The following PIP5K1B variants were observed in gnomAD, a reference collection of about 807,000 sequenced individuals.
PIP5K1B encodes phosphatidylinositol-4-phosphate 5-kinase type 1 beta, also known as phosphatidylinositol 4-phosphate 5-kinase type-1 beta.
Under a neutral mutation model 67.0 loss-of-function variants are expected in PIP5K1B, and 42 were observed. That is an observed-to-expected ratio of 0.63 (90% CI 0.49 to 0.81). The LOEUF is 0.81. Among genes scored for constraint, PIP5K1B ranks in the 30% least tolerant of loss-of-function variants. The probability of loss-of-function intolerance (pLI) is 0.00; values close to 1 mark genes in which losing one functional copy is unlikely to be tolerated. For missense variants in PIP5K1B, 459 were observed against 646.3 expected (o/e 0.71, Z 3.14); for synonymous variants, 214 against 231.4 (o/e 0.92, Z 0.68).
At chr9:68,886,459 A>G (rs372160409) in intron 6 of PIP5K1B, among the ~76,000 whole-genome samples, 2 of 152,216 alleles carry the variant, frequency 1.3e-5, no homozygotes, top group African/African-American at 4.8e-5. Context: ...CCAACCATGT[A>G]TGTAGGCACC....
At chr9:68,931,138 G>A (rs907454199) in intron 12 of PIP5K1B, among the ~76,000 whole-genome samples, 8 of 151,790 alleles carry the variant, frequency 5.3e-5, no homozygotes, top group African/African-American at 1.5e-4. Flanking sequence ...TCATGCTGCC[G>A]GTGTAATAAT....
chr9:68,744,116 G>C (rs1267370229), intron 2 of PIP5K1B, among the ~76,000 whole-genome samples: 4 of 152,202 alleles, frequency 2.6e-5, no homozygotes, highest in Non-Finnish European at 5.9e-5. Flanking sequence ...CGTAGCCTCA[G>C]TTGCCATAGA....
At chr9:68,783,075 A>G (rs1203279311) in intron 2 of PIP5K1B, 1 of 166,976 alleles carries the variant, frequency 6.0e-6, no homozygotes, top group Non-Finnish European at 1.5e-5. Flanking sequence ...CTTTTGGTTC[A>G]GTCTTTATAC....
chr9:68,883,383 T>C (rs1006709454), intron 6 of PIP5K1B, among the ~76,000 whole-genome samples: 2 of 152,182 alleles, frequency 1.3e-5, no homozygotes, highest in Non-Finnish European at 2.9e-5. Context: ...TAATGCTGTT[T>C]AGCAAGAGAT....
At chr9:68,893,106 C>T (rs1288404522) in intron 7 of PIP5K1B, among the ~76,000 whole-genome samples, 4 of 151,750 alleles carry the variant, frequency 2.6e-5, no homozygotes, top group Non-Finnish European at 4.4e-5. Context: ...TAAGGCAACA[C>T]ATTTATATAA....
chr9:68,945,621 A>G lies in PIP5K1B; in HGVS notation c.1502+4831A>G, dbSNP rs569883440. ...TAATTATTGGACCTTATTAAGGGCC[A>G]TGTTAAGCCCTTTATACATATCAAG... On this transcript the variant is annotated intron_variant, in intron 14 of 15. Transcript: ENST00000265382. 9.1e-4 allele frequency among the ~76,000 whole-genome samples: 139 copies of G among 152,364 alleles called. 1 individual carries two copies. The highest frequency in any genetic ancestry group is 1.6e-3 in the Non-Finnish European group (112 of 68,038).
At chr9:68,807,473 G>C (rs935371730) in intron 2 of PIP5K1B, among the ~76,000 whole-genome samples, 1 of 152,160 alleles carries the variant, frequency 6.6e-6, no homozygotes, top group African/African-American at 2.4e-5. Context: ...CTGCTTCCCT[G>C]CTATGGCCTT....
At chr9:68,888,674 C>T (rs990642891) in intron 6 of PIP5K1B, among the ~76,000 whole-genome samples, 2 of 152,164 alleles carry the variant, frequency 1.3e-5, no homozygotes, top group African/African-American at 4.8e-5. Context: ...AACAAAGCAC[C>T]TTAGTCAACA....
chr9:68,954,275 CCT>C lies in PIP5K1B; in HGVS notation c.1502+13488_1502+13489del, dbSNP rs1828259250. On this transcript the variant is annotated intron_variant, in intron 14 of 15. Transcript: ENST00000265382. ...CTCTTAGCTTCTTCCAATCTTCTCC[CCT>C]CTTTATAGGTTTATGTCCTTTTTTA... 2.6e-5 allele frequency among the ~76,000 whole-genome samples: 4 copies of C among 152,196 alleles called. 1 individual carries two copies. Among genetic ancestry groups the C allele is most frequent in the African/African-American group, 9.6e-5 (4 of 41,520 alleles).
intron 4 of PIP5K1B, among the ~76,000 whole-genome samples, chr9:68,829,933 G>A (rs759924739): frequency 5.3e-5 from 8 of 152,108 alleles, no homozygotes; most frequent in Admixed American, 2.0e-4. Context: ...CTGGATTCCC[G>A]GGGAGAAGGG....
At chr9:68,956,110 A>G (rs188142395) in intron 14 of PIP5K1B, among the ~76,000 whole-genome samples, 81 of 152,378 alleles carry the variant, frequency 5.3e-4, no homozygotes, top group Non-Finnish European at 8.2e-4. Flanking sequence ...AGATAAAATG[A>G]AACTTTTTTC....
At chr9:69,004,185 G>C (rs1025341545) in intron 15 of PIP5K1B, among the ~76,000 whole-genome samples, 1 of 152,096 alleles carries the variant, frequency 6.6e-6, no homozygotes, top group African/African-American at 2.4e-5. Flanking sequence ...CTGGGATTTA[G>C]GCTGAAATAC....
At chr9:68,870,227 T>C (rs979052350) in intron 5 of PIP5K1B, among the ~76,000 whole-genome samples, 5 of 152,212 alleles carry the variant, frequency 3.3e-5, no homozygotes, top group African/African-American at 1.2e-4. Flanking sequence ...TGTCACATGT[T>C]CCCAGTAAAT....
intron 2 of PIP5K1B, chr9:68,788,773 G>A: frequency 3.9e-6 from 1 of 259,378 alleles, no homozygotes; most frequent in Non-Finnish European, 8.0e-6. Flanking sequence ...CCCATTGCCT[G>A]CTTGGGTCCC....
chr9:68,871,741 T>A (rs80156511), intron 5 of PIP5K1B, among the ~76,000 whole-genome samples: 16,404 of 152,230 alleles, frequency 0.11, 1,154 homozygotes, highest in Non-Finnish European at 0.16. Context: ...TTTAGGTTCT[T>A]ACTTGGCAAA....
At chr9:68,845,503 T>C (rs1291384827) in intron 4 of PIP5K1B, among the ~76,000 whole-genome samples, 1 of 152,052 alleles carries the variant, frequency 6.6e-6, no homozygotes, top group Non-Finnish European at 1.5e-5. Flanking sequence ...GATCCTGGCC[T>C]CCGGGAACAG....
intron 4 of PIP5K1B, among the ~76,000 whole-genome samples, chr9:68,853,597 G>T (rs573451853): frequency 6.6e-6 from 1 of 152,194 alleles, no homozygotes; most frequent in South Asian, 2.1e-4. Context: ...CTCTGATGAC[G>T]GCAAAACCAA....
chr9:68,996,126 T>A (rs1005645367), intron 15 of PIP5K1B, among the ~76,000 whole-genome samples: 3 of 152,224 alleles, frequency 2.0e-5, no homozygotes, highest in African/African-American at 7.2e-5. Context: ...TAAAAATACA[T>A]AAGTTTAAAC....
intron 6 of PIP5K1B, among the ~76,000 whole-genome samples, chr9:68,884,243 C>T (rs866024962): frequency 6.6e-6 from 1 of 151,524 alleles, no homozygotes; most frequent in Admixed American, 6.6e-5. Context: ...TTGCAAATAA[C>T]GCATCAGGTA....
Sources: gnomAD v4.1 joint callset for allele counts (sites outside exome capture counted in the v4.1 genomes callset) on GRCh38, gnomAD v4.1.1 for gene constraint, MANE v1.5 for transcripts, NCBI Gene and HGNC (gene_info 2026-07-23, HGNC 2026-07-21) for gene names.